The following KLHL29 variants were observed in gnomAD, a reference collection of about 807,000 sequenced individuals.
The protein encoded by KLHL29 is kelch-like protein 29.
KLHL29 carries 21 observed loss-of-function variants against 80.4 expected under a neutral mutation model. That is an observed-to-expected ratio of 0.26 (90% confidence interval 0.19 to 0.38). The LOEUF (loss-of-function observed/expected upper bound fraction) is 0.38, where lower values mean the gene tolerates loss of function less well. KLHL29 is among the 10% of genes least tolerant of loss of function. KLHL29 has a pLI of 1.00. For missense variants in KLHL29, 867 were observed against 1,223.9 expected (o/e 0.71, Z 4.35); for synonymous variants, 511 against 526.8 (o/e 0.97, Z 0.41).
At chr2:23,651,460 T>G (rs1670085094) in intron 5 of KLHL29, among the ~76,000 whole-genome samples, 1 of 152,128 alleles carries the variant, frequency 6.6e-6, no homozygotes, top group Admixed American at 6.5e-5. Flanking sequence ...AATGCCGGTG[T>G]GTATTCGTTT....
intron 3 of KLHL29, among the ~76,000 whole-genome samples, chr2:23,578,492 T>C (rs576765236): frequency 7.2e-5 from 11 of 152,346 alleles, no homozygotes; most frequent in African/African-American, 2.6e-4. Context: ...CTTACATCAG[T>C]GTCTGGCATC....
At chr2:23,410,316 T>G in intron 1 of KLHL29, among the ~76,000 whole-genome samples, 1 of 147,218 alleles carries the variant, frequency 6.8e-6, no homozygotes, top group African/African-American at 2.5e-5. Flanking sequence ...TGGAGACAGG[T>G]AAATGGGCAG....
intron 1 of KLHL29, among the ~76,000 whole-genome samples, chr2:23,430,256 T>C (rs1044999314): frequency 6.6e-6 from 1 of 152,218 alleles, no homozygotes; most frequent in East Asian, 1.9e-4. Flanking sequence ...CCCCAAGCAA[T>C]GCCAGTGTTG....
intron 1 of KLHL29, among the ~76,000 whole-genome samples, chr2:23,425,661 G>A (rs2103404998): frequency 6.6e-6 from 1 of 152,362 alleles, no homozygotes; most frequent in South Asian, 2.1e-4. Context: ...AGCCCCGAAA[G>A]GAGCAGCCCT....
At chr2:23,633,268 G>A (rs1669516257) in intron 3 of KLHL29, among the ~76,000 whole-genome samples, 1 of 152,180 alleles carries the variant, frequency 6.6e-6, no homozygotes, top group Non-Finnish European at 1.5e-5. Context: ...ACCCAGCTGG[G>A]CTGTGTTAGG....
chr2:23,495,525 C>T (rs1665237194), intron 2 of KLHL29, among the ~76,000 whole-genome samples: 1 of 152,228 alleles, frequency 6.6e-6, no homozygotes, highest in East Asian at 1.9e-4. Flanking sequence ...CCCTGGGTGG[C>T]AGTGGGTATA....
At chr2:23,492,244 C>T (rs1052942129) in intron 2 of KLHL29, among the ~76,000 whole-genome samples, 4 of 152,228 alleles carry the variant, frequency 2.6e-5, no homozygotes, top group Non-Finnish European at 5.9e-5. Flanking sequence ...TCCCATGGGC[C>T]TCTCTGGACT....
intron 3 of KLHL29, among the ~76,000 whole-genome samples, chr2:23,594,480 C>T (rs991118151): frequency 6.6e-6 from 1 of 152,200 alleles, no homozygotes; most frequent in Non-Finnish European, 1.5e-5. Context: ...TCTTCGCTGA[C>T]TTCTTTTCAC....
intron 11 of KLHL29, among the ~76,000 whole-genome samples, chr2:23,698,142 G>A (rs1672095139): frequency 6.6e-6 from 1 of 152,208 alleles, no homozygotes; most frequent in South Asian, 2.1e-4. Context: ...CTTCCCTGGG[G>A]GGCAAGGCCC....
At chr2:23,676,771 G>C (rs1327708057) in intron 5 of KLHL29, among the ~76,000 whole-genome samples, 1 of 152,214 alleles carries the variant, frequency 6.6e-6, no homozygotes, top group Non-Finnish European at 1.5e-5. Flanking sequence ...TAGAGAGTTG[G>C]GGGATGCGTG....
chr2:23,521,204 A>G (rs952199556), intron 2 of KLHL29, among the ~76,000 whole-genome samples: 2 of 152,130 alleles, frequency 1.3e-5, no homozygotes, highest in East Asian at 1.9e-4. Flanking sequence ...GGCTTCCCCA[A>G]GGGCATTCCT....
chr2:23,585,755 G>T (rs564075933), intron 3 of KLHL29, among the ~76,000 whole-genome samples: 1 of 152,290 alleles, frequency 6.6e-6, no homozygotes, highest in East Asian at 1.9e-4. Context: ...GGCGGTGTCG[G>T]AGGCTCCAAG....
At chr2:23,640,334 C>A (rs968621330) in intron 4 of KLHL29, among the ~76,000 whole-genome samples, 2 of 152,314 alleles carry the variant, frequency 1.3e-5, no homozygotes, top group South Asian at 4.2e-4. Flanking sequence ...CTAGAGACTT[C>A]TCTTTAGGTC....
At chr2:23,488,078 A>G (rs571137483) in intron 2 of KLHL29, among the ~76,000 whole-genome samples, 1 of 152,296 alleles carries the variant, frequency 6.6e-6, no homozygotes, top group African/African-American at 2.4e-5. Flanking sequence ...GAACAGCTTC[A>G]AACAGCTGGA....
intron 2 of KLHL29, among the ~76,000 whole-genome samples, chr2:23,548,625 G>C (rs1417448465): frequency 6.6e-6 from 1 of 152,242 alleles, no homozygotes; most frequent in Admixed American, 6.5e-5. Context: ...CTGACAGCCG[G>C]GGTCCTAGAG....
chr2:23,637,765 G>A (rs1572456516), intron 3 of KLHL29, among the ~76,000 whole-genome samples: 1 of 152,174 alleles, frequency 6.6e-6, no homozygotes, highest in Admixed American at 6.5e-5. Context: ...GGGCTCAGCA[G>A]CAGGCCCTGT....
intron 2 of KLHL29, among the ~76,000 whole-genome samples, chr2:23,514,743 C>G (rs1401775711): frequency 6.6e-6 from 1 of 152,172 alleles, no homozygotes; most frequent in Admixed American, 6.5e-5. Flanking sequence ...TCTCCTAATT[C>G]AAAACCTCTG....
chr2:23,660,262 C>T (rs181980719), intron 5 of KLHL29, among the ~76,000 whole-genome samples: 2 of 152,342 alleles, frequency 1.3e-5, no homozygotes, highest in East Asian at 1.9e-4. Flanking sequence ...GCTGACATCA[C>T]ACCTGGCTTT....
Sources: gnomAD v4.1 joint callset for allele counts (sites outside exome capture counted in the v4.1 genomes callset) on GRCh38, gnomAD v4.1.1 for gene constraint, MANE v1.5 for transcripts, NCBI Gene and HGNC (gene_info 2026-07-23, HGNC 2026-07-21) for gene names.